The following KANK1 variants were observed in gnomAD, a reference collection of about 807,000 sequenced individuals.
KANK1 encodes KN motif and ankyrin repeat domain-containing protein 1.
Under a neutral mutation model 106.2 loss-of-function variants are expected in KANK1, and 109 were observed. The ratio of observed to expected loss-of-function variants is 1.03; its 90% CI spans 0.88 to 1.20. The LOEUF (loss-of-function observed/expected upper bound fraction) is 1.20. Ranked by LOEUF, KANK1 falls within the 50% of genes most tolerant of loss-of-function variation. The pLI is 0.00. For missense variants in KANK1, 2,399 were observed against 1,710.7 expected, an observed-to-expected ratio of 1.40 and a Z score of -7.10; for synonymous variants, 873 against 652.2, an observed-to-expected ratio of 1.34 and a Z score of -5.16.
chr9:572,675 C>T (rs1587925410), intron 1 of KANK1, among the ~76,000 whole-genome samples: 1 of 152,270 alleles, frequency 6.6e-6, no homozygotes, highest in South Asian at 2.1e-4. Context: ...ACAATATGGA[C>T]ATAAGCCACC....
intron 2 of KANK1, among the ~76,000 whole-genome samples, chr9:704,214 C>A (rs1823425082): frequency 6.6e-6 from 1 of 152,140 alleles, no homozygotes; most frequent in Non-Finnish European, 1.5e-5. Flanking sequence ...CAAACGATAG[C>A]TAAAACAAAA....
rs577156322 is a variant in KANK1 at position 712,280 on chromosome 9, C to A, written c.1514C>A (p.Thr505Lys). Residue 505 changes from threonine to lysine, a missense_variant, in exon 3 of 12, where the codon ACG becomes AAG. Transcript: ENST00000382297. Reference protein sequence around the residue: ...AGSRKKVDKATMAQPLVFSKV... With the variant: ...AGSRKKVDKAKMAQPLVFSKV... ...TCGAGGAAAAAGGTTGACAAAGCCA[C>A]GATGGCCCAGCCGCTTGTTTTCAGT... is the stretch of plus-strand genomic sequence containing the variant. 4.3e-6 allele frequency: 7 copies of A among 1,614,152 alleles called. No homozygotes were observed. The highest frequency in any genetic ancestry group is 8.5e-7 in the Non-Finnish European group (1 of 1,180,024).
At chr9:585,920 T>G (rs762820501) in intron 1 of KANK1, among the ~76,000 whole-genome samples, 20 of 152,176 alleles carry the variant, frequency 1.3e-4, no homozygotes, top group Non-Finnish European at 2.2e-4. Flanking sequence ...CAGGGGAGTT[T>G]ATATGTGATG....
intron 2 of KANK1, among the ~76,000 whole-genome samples, chr9:699,386 T>G (rs1822101524): frequency 6.6e-6 from 1 of 152,202 alleles, no homozygotes; most frequent in African/African-American, 2.4e-5. Flanking sequence ...CATCTTTCAG[T>G]GTAACAACTG....
intron 1 of KANK1, among the ~76,000 whole-genome samples, chr9:506,527 G>GGTGTGT (rs36217612): frequency 6.0e-5 from 9 of 149,548 alleles, no homozygotes; most frequent in Non-Finnish European, 1.0e-4. Flanking sequence ...GTGAGTTCTG[G>GGTGTGT]GTGTGTGTGT....
chr9:586,382 A>T (rs894690746), intron 1 of KANK1, among the ~76,000 whole-genome samples: 6 of 152,196 alleles, frequency 3.9e-5, no homozygotes, highest in African/African-American at 1.2e-4. Context: ...CAGAGGGTCC[A>T]AGTTAGAGGC....
intron 1 of KANK1, among the ~76,000 whole-genome samples, chr9:509,804 T>C (rs1304689097): frequency 2.0e-5 from 3 of 152,136 alleles, no homozygotes; most frequent in South Asian, 2.1e-4. Flanking sequence ...AGAAATCTTT[T>C]TTATTTTTTT....
At chr9:515,309 C>T (rs1403790335) in intron 1 of KANK1, among the ~76,000 whole-genome samples, 2 of 150,436 alleles carry the variant, frequency 1.3e-5, no homozygotes, top group Non-Finnish European at 2.9e-5. Context: ...CGTGCCACTG[C>T]CCTCCAGCCT....
At chr9:570,823 G>C (rs1399915903) in intron 1 of KANK1, among the ~76,000 whole-genome samples, 1 of 152,100 alleles carries the variant, frequency 6.6e-6, no homozygotes, top group Non-Finnish European at 1.5e-5. Context: ...TTTTTCATGA[G>C]ACTTTCTAAA....
intron 2 of KANK1, among the ~76,000 whole-genome samples, chr9:696,338 G>A (rs752982982): frequency 6.6e-6 from 1 of 152,038 alleles, no homozygotes; most frequent in African/African-American, 2.4e-5. Context: ...TTAGAGTCTG[G>A]TAGAGAAACA....
At chr9:599,004 T>C (rs1317315119) in intron 1 of KANK1, among the ~76,000 whole-genome samples, 2 of 147,988 alleles carry the variant, frequency 1.4e-5, no homozygotes, top group African/African-American at 5.0e-5. Flanking sequence ...ATGAATGATT[T>C]GTATTTATTA....
intron 2 of KANK1, among the ~76,000 whole-genome samples, chr9:471,864 T>C (rs1418566649): frequency 6.6e-6 from 1 of 152,108 alleles, no homozygotes; most frequent in East Asian, 1.9e-4. Context: ...TGTACTGCCA[T>C]GGTAGGTGGG....
At chr9:477,533 T>G (rs1387439075) in intron 3 of KANK1, among the ~76,000 whole-genome samples, 1 of 152,186 alleles carries the variant, frequency 6.6e-6, no homozygotes, top group African/African-American at 2.4e-5. Flanking sequence ...ATGGGGTGTT[T>G]TTCCTTTCCA....
intron 1 of KANK1, among the ~76,000 whole-genome samples, chr9:625,028 G>C (rs1027016528): frequency 5.7e-4 from 39 of 68,330 alleles, no homozygotes; most frequent in Admixed American, 5.0e-3. Context: ...TGAAATGGAA[G>C]ATGAAATTGT....
chr9:545,505 T>G (rs1401348527), intron 1 of KANK1, among the ~76,000 whole-genome samples: 1 of 152,024 alleles, frequency 6.6e-6, no homozygotes, highest in Non-Finnish European at 1.5e-5. Context: ...AGGGCAGAAC[T>G]CTGAAGAGCA....
intron 1 of KANK1, among the ~76,000 whole-genome samples, chr9:550,799 A>G (rs980488669): frequency 6.6e-6 from 1 of 152,168 alleles, no homozygotes; most frequent in Middle Eastern, 3.4e-3. Flanking sequence ...CTTCCTAACA[A>G]TTTCATTTCA....
At chr9:548,231 C>T (rs1254826028) in intron 1 of KANK1, among the ~76,000 whole-genome samples, 1 of 152,190 alleles carries the variant, frequency 6.6e-6, no homozygotes, top group Non-Finnish European at 1.5e-5. Context: ...TTCTAAACCA[C>T]ATTACACATC....
intron 1 of KANK1, among the ~76,000 whole-genome samples, chr9:514,194 T>TCCTCCCTCCCTCTCTC (rs2059172056): frequency 3.3e-5 from 1 of 30,370 alleles, no homozygotes; most frequent in Non-Finnish European, 5.2e-5. Flanking sequence ...CTCCCTCCCT[T>TCCTCCCTCCCTCTCTC]CCTCCCTCCC....
chr9:555,772 C>T (rs2641983), intron 1 of KANK1, among the ~76,000 whole-genome samples: 59,765 of 152,034 alleles, frequency 0.39, 14,357 homozygotes, highest in South Asian at 0.58. Flanking sequence ...CTAGTACATA[C>T]GTGTTTTTAG....
Sources: gnomAD v4.1 joint callset for allele counts (sites outside exome capture counted in the v4.1 genomes callset) on GRCh38, gnomAD v4.1.1 for gene constraint, MANE v1.5 for transcripts, NCBI Gene and HGNC (gene_info 2026-07-23, HGNC 2026-07-21) for gene names.